MAP2K5: variants seen among roughly 807,000 people sequenced by gnomAD.
MAP2K5 encodes dual specificity mitogen-activated protein kinase kinase 5.
Under a neutral mutation model 83.1 loss-of-function variants are expected in MAP2K5, and 49 were observed. That is an observed-to-expected ratio of 0.59 (90% CI 0.47 to 0.75). The LOEUF (loss-of-function observed/expected upper bound fraction) is 0.75. MAP2K5 is among the 30% of genes least tolerant of loss of function. MAP2K5 has a pLI of 0.00. For missense variants in MAP2K5, 457 were observed against 557.5 expected, an observed-to-expected ratio of 0.82 and a Z score of 1.82; for synonymous variants, 202 against 191.8, an observed-to-expected ratio of 1.05 and a Z score of -0.44.
At chr15:67,678,622 G>A (rs1050911910) in intron 13 of MAP2K5, among the ~76,000 whole-genome samples, 4 of 152,094 alleles carry the variant, frequency 2.6e-5, no homozygotes, top group African/African-American at 9.7e-5. Flanking sequence ...TTCTTTTCTG[G>A]CAAAAGAAAG....
At chr15:67,684,101 G>A (rs2087888617) in intron 13 of MAP2K5, among the ~76,000 whole-genome samples, 2 of 152,204 alleles carry the variant, frequency 1.3e-5, no homozygotes, top group African/African-American at 4.8e-5. Flanking sequence ...TGCAGAGAAA[G>A]AGCTCTAGAA....
At chr15:67,692,139 G>A (rs1270739725) in intron 13 of MAP2K5, among the ~76,000 whole-genome samples, 1 of 152,172 alleles carries the variant, frequency 6.6e-6, no homozygotes, top group African/African-American at 2.4e-5. Flanking sequence ...TTCTTTGCAA[G>A]AAGATTACAT....
Position 67,542,970 on chromosome 15 carries a change from T to G in MAP2K5, c.-366T>G, listed in dbSNP as rs2084323658. The G allele has an allele frequency of 1.2e-5, 3 of 258,440 alleles. No homozygotes were observed. The highest frequency in any genetic ancestry group is 1.9e-4 in the East Asian group (2 of 10,782). 16.0% of individuals were successfully genotyped at this position (258,440 alleles called of 1,614,324 possible). ...GACGAGCGGTGGACACCTGCCGCTG[T>G]ATCTCCCCCAAACCGAGTCCTTGCC... On this transcript the variant is annotated 5_prime_UTR_variant, in exon 1 of 22. Coordinates refer to ENST00000178640, the MANE Select transcript of MAP2K5 (RefSeq NM_145160.3).
intron 12 of MAP2K5, among the ~76,000 whole-genome samples, chr15:67,659,811 C>T (rs960357382): frequency 6.6e-6 from 1 of 152,096 alleles, no homozygotes; most frequent in Non-Finnish European, 1.5e-5. Context: ...TAGAAATCTG[C>T]CATCTTCAGT....
intron 9 of MAP2K5, among the ~76,000 whole-genome samples, chr15:67,645,303 C>T (rs1333535873): frequency 6.6e-6 from 1 of 151,994 alleles, no homozygotes; most frequent in Non-Finnish European, 1.5e-5. Context: ...CATAGTGAAA[C>T]CCCCATCTCT....
rs1198902075 is a variant in MAP2K5 at position 67,552,432 on chromosome 15, C to T, written c.184+2350C>T. Among the ~76,000 whole-genome samples the T allele has an allele frequency of 3.3e-5, 5 of 152,078 alleles. No homozygotes were observed. The highest frequency in any genetic ancestry group is 5.9e-5 in the Non-Finnish European group (4 of 68,012). ...TCTTTTAACCATCACAAGATCCCCA[C>T]GAAGTACTCGTTATTTTTTTGAGAC... On this transcript the variant is annotated intron_variant, in intron 2 of 21. Coordinates refer to ENST00000178640, the MANE Select transcript of MAP2K5 (RefSeq NM_145160.3). This position sits in a 1 kb window ranked among gnomAD's most constrained non-coding sequence, Gnocchi z 4.2.
chr15:67,656,273 A>T (rs542853954), intron 11 of MAP2K5, among the ~76,000 whole-genome samples: 6 of 152,188 alleles, frequency 3.9e-5, no homozygotes, highest in Admixed American at 3.3e-4. Context: ...AACTGCAAAA[A>T]GTTCACATGT....
intron 21 of MAP2K5, among the ~76,000 whole-genome samples, chr15:67,773,445 C>T (rs2090179615): frequency 6.6e-6 from 1 of 152,136 alleles, no homozygotes; most frequent in Non-Finnish European, 1.5e-5. Context: ...TAATGTTTTG[C>T]ATACCATTCC....
chr15:67,662,946 G>A (rs2087275751), intron 12 of MAP2K5, among the ~76,000 whole-genome samples: 1 of 152,074 alleles, frequency 6.6e-6, no homozygotes, highest in Non-Finnish European at 1.5e-5. Flanking sequence ...TTTGGGGGGA[G>A]CTTTTTATTT....
chr15:67,669,069 T>C (rs1298121196), intron 13 of MAP2K5, among the ~76,000 whole-genome samples: 2 of 152,156 alleles, frequency 1.3e-5, no homozygotes, highest in Non-Finnish European at 2.9e-5. Flanking sequence ...CACACAGACT[T>C]TCCAATTAGT....
chr15:67,776,308 C>T (rs1254247730), intron 21 of MAP2K5, among the ~76,000 whole-genome samples: 1 of 149,392 alleles, frequency 6.7e-6, no homozygotes, highest in Non-Finnish European at 1.5e-5. Context: ...CCAGGAAAGA[C>T]CTGTGTCAGT....
chr15:67,741,079 G>A (rs1054965081), intron 17 of MAP2K5, among the ~76,000 whole-genome samples: 7 of 151,070 alleles, frequency 4.6e-5, no homozygotes, highest in Admixed American at 1.3e-4. Flanking sequence ...CTTGAGTCTC[G>A]GCTGTCTGGT....
In MAP2K5 at chr15:67,755,294, T is replaced by A. The variant is rs1234981920; in HGVS notation, c.1134+6693T>A. ...CTCCTGGCTTTTAGAAGCTTTTTAG[T>A]AACATTGTTATAAAGTAGGCTCTTC... On this transcript the variant is annotated intron_variant, in intron 19 of 21. Coordinates refer to ENST00000178640, the MANE Select transcript of MAP2K5 (RefSeq NM_145160.3). This position sits in a 1 kb window ranked among gnomAD's most constrained non-coding sequence, Gnocchi z 4.7. 2.0e-5 allele frequency among the ~76,000 whole-genome samples: 3 copies of A among 152,156 alleles called. No homozygotes were observed. Among genetic ancestry groups the A allele is most frequent in the Non-Finnish European group, 2.9e-5 (2 of 68,006 alleles).
At position 67,760,786 on chromosome 15, in the gene MAP2K5, G is replaced by A. The variant is rs1307430130; in HGVS notation, c.1135-8816G>A. 3.3e-5 allele frequency among the ~76,000 whole-genome samples: 5 copies of A among 152,056 alleles called. No homozygotes were observed. The highest frequency in any genetic ancestry group is 7.4e-5 in the Non-Finnish European group (5 of 68,016). On this transcript the variant is annotated intron_variant, in intron 19 of 21. Coordinates refer to ENST00000178640, the MANE Select transcript of MAP2K5 (RefSeq NM_145160.3). The surrounding 1 kb of genome is among the most constrained non-coding windows in gnomAD (Gnocchi z 4.1). ...TTTTGGCTGCTGTCATTTAACATGT[G>A]TTGCTGTATTGTGAAGTCTTACCCA...
chr15:67,669,014 A>G (rs2087457882), intron 13 of MAP2K5, among the ~76,000 whole-genome samples: 1 of 152,130 alleles, frequency 6.6e-6, no homozygotes, highest in Non-Finnish European at 1.5e-5. Flanking sequence ...CATGTTACAA[A>G]TTTTATTTTC....
chr15:67,548,571 A>C (rs737227), intron 1 of MAP2K5, among the ~76,000 whole-genome samples: 18,378 of 152,250 alleles, frequency 0.12, 1,228 homozygotes, highest in East Asian at 0.2. Context: ...CACATGAGGA[A>C]AGTGAGGCAC....
At chr15:67,697,055 T>C (rs1485445053) in intron 15 of MAP2K5, among the ~76,000 whole-genome samples, 2 of 152,154 alleles carry the variant, frequency 1.3e-5, no homozygotes, top group African/African-American at 4.8e-5. Flanking sequence ...AAAAGGATGC[T>C]TGCATAAGAG....
At chr15:67,630,797 G>C (rs2086454402) in intron 8 of MAP2K5, 91 bp from the exon 9 acceptor site, 13 of 856,706 alleles carry the variant, frequency 1.5e-5, no homozygotes. Flanking sequence ...TCCCACTGCT[G>C]CAGAAATGTT....
intron 8 of MAP2K5, among the ~76,000 whole-genome samples, chr15:67,616,559 A>G (rs2086060773): frequency 6.6e-6 from 1 of 152,246 alleles, no homozygotes; most frequent in African/African-American, 2.4e-5. Flanking sequence ...AAATCTTTGC[A>G]TGGAAAACAA....
Sources: gnomAD v4.1 joint callset for allele counts (sites outside exome capture counted in the v4.1 genomes callset) on GRCh38, gnomAD v4.1.1 for gene constraint, Gnocchi (gnomAD v3.1) non-coding constraint, MANE v1.5 for transcripts, NCBI Gene and HGNC (gene_info 2026-07-23, HGNC 2026-07-21) for gene names.